The following FOXP1 variants were observed in gnomAD, a reference collection of about 807,000 sequenced individuals.
FOXP1 encodes forkhead box P1, also known as forkhead box protein P1.
Under a neutral mutation model 98.2 loss-of-function variants are expected in FOXP1, and 15 were observed. The ratio of observed to expected loss-of-function variants is 0.15; its 90% CI spans 0.10 to 0.24. The LOEUF (loss-of-function observed/expected upper bound fraction) is 0.24. Ranked by LOEUF, FOXP1 falls within the 10% of genes least tolerant of loss-of-function variation. FOXP1 has a pLI of 1.00. For missense variants in FOXP1, 633 were observed against 848.5 expected, an observed-to-expected ratio of 0.75 and a Z score of 3.15; for synonymous variants, 371 against 314.5, an observed-to-expected ratio of 1.18 and a Z score of -1.90.
chr3:71,009,290 A>G (rs2107681529), intron 12 of FOXP1, among the ~76,000 whole-genome samples: 1 of 152,056 alleles, frequency 6.6e-6, no homozygotes, highest in African/African-American at 2.4e-5. Flanking sequence ...AGCTAAAAAT[A>G]TGTTGGTGAC....
intron 6 of FOXP1, among the ~76,000 whole-genome samples, chr3:71,123,745 T>C (rs2058950600): frequency 1.3e-5 from 2 of 152,178 alleles, no homozygotes; most frequent in Non-Finnish European, 2.9e-5. Context: ...TCTTGCACTC[T>C]GCTATAAATA....
Position 70,955,524 on chromosome 3 carries a change from GA to G in FOXP1, c.*3722del, listed in dbSNP as rs886058821. ...CTCCCTAATGTATGCTTTTCTTTGAGAAAAAAAAAGTAACAGATTTTCTTTA... is the reference window on the plus strand; with the variant it reads ...CTCCCTAATGTATGCTTTTCTTTGAGAAAAAAAAGTAACAGATTTTCTTTA... On this transcript the variant is annotated 3_prime_UTR_variant, in exon 21 of 21. Coordinates refer to ENST00000649528, the MANE Select transcript of FOXP1 (RefSeq NM_001349338.3). 6.2e-5 allele frequency: 14 copies of G among 225,478 alleles called. No individual in the cohort carries two copies. The highest frequency in any genetic ancestry group is 1.9e-4 in the East Asian group (3 of 16,044). The allele number at this position is 225,478 out of a possible 1,614,324, so 14.0% of individuals were successfully genotyped here.
At chr3:71,293,855 TA>T (rs1163985783) in intron 5 of FOXP1, among the ~76,000 whole-genome samples, 10 of 152,170 alleles carry the variant, frequency 6.6e-5, no homozygotes, top group African/African-American at 2.2e-4. Context: ...ACACACAGCA[TA>T]AAAAACAGTA....
Position 71,568,384 on chromosome 3 carries a change from T to TAA in FOXP1, c.-298+13164_-298+13165insTT, listed in dbSNP as rs1446432842. ...TCCTGTTCTACAGAGGAAGAACCCT[T>TAA]GGTGCAGAGAAACAAAGCCCTTCAA... On this transcript the variant is annotated intron_variant, in intron 2 of 20. Coordinates refer to ENST00000649528, the MANE Select transcript of FOXP1 (RefSeq NM_001349338.3). 2.5e-3 allele frequency among the ~76,000 whole-genome samples: 373 copies of TAA among 152,182 alleles called. 1 individual carries two copies. Among genetic ancestry groups the TAA allele is most frequent in the African/African-American group, 8.5e-3 (355 of 41,534 alleles).
At chr3:71,130,981 A>C in intron 6 of FOXP1, 2 of 1,118,660 alleles carry the variant, frequency 1.8e-6, no homozygotes, top group Non-Finnish European at 2.2e-6. Context: ...ATACACACCA[A>C]CAGGGTTTCG....
intron 13 of FOXP1, among the ~76,000 whole-genome samples, chr3:70,992,000 C>A (rs568054517): frequency 6.6e-6 from 1 of 152,130 alleles, no homozygotes; most frequent in Non-Finnish European, 1.5e-5. Context: ...AAGAAGGTGT[C>A]TTTTCAAAGA....
At chr3:71,523,159 A>G (rs979255283) in intron 2 of FOXP1, among the ~76,000 whole-genome samples, 1 of 152,142 alleles carries the variant, frequency 6.6e-6, no homozygotes, top group African/African-American at 2.4e-5. Context: ...GATCGAGGCA[A>G]CGCTCCTACA....
At chr3:71,198,117 A>G (rs2063407149) in intron 6 of FOXP1, 85 bp downstream of exon 6, 9 of 1,613,714 alleles carry the variant, frequency 5.6e-6, no homozygotes, top group Non-Finnish European at 7.6e-6. Flanking sequence ...CAAAACACTG[A>G]TCGCGAGATC....
Position 71,240,213 on chromosome 3 carries a change from G to A in FOXP1, c.-11-41821C>T, listed in dbSNP as rs189769274. Among the ~76,000 whole-genome samples the A allele has an allele frequency of 2.0e-4, 30 of 152,364 alleles. No individual in the cohort carries two copies. The East Asian group carries it at 5.6e-3, about 28-fold the overall frequency. ...AACACAGTGCTAAATTCAATCCTCAGTTACACCCACTCAACTCCCACTGGC... is the reference window on the plus strand; with the variant it reads ...AACACAGTGCTAAATTCAATCCTCAATTACACCCACTCAACTCCCACTGGC... On this transcript the variant is annotated intron_variant, in intron 5 of 20. Transcript: ENST00000649528.
intron 3 of FOXP1, among the ~76,000 whole-genome samples, chr3:71,419,335 A>T (rs1197223184): frequency 6.6e-6 from 1 of 151,496 alleles, no homozygotes; most frequent in South Asian, 2.1e-4. Flanking sequence ...TTGAAAGGTT[A>T]TATATCTTAA....
intron 2 of FOXP1, among the ~76,000 whole-genome samples, chr3:71,529,213 G>A (rs937307449): frequency 6.6e-6 from 1 of 152,166 alleles, no homozygotes; most frequent in African/African-American, 2.4e-5. Flanking sequence ...TTTTCAGTTT[G>A]TTAGTATGTC....
At chr3:71,268,018 A>C (rs1446420452) in intron 5 of FOXP1, among the ~76,000 whole-genome samples, 1 of 23,338 alleles carries the variant, frequency 4.3e-5, no homozygotes, top group South Asian at 1.5e-3. Context: ...ACTCCGTCTC[A>C]AAAAAAAAAA....
chr3:71,031,218 C>T (rs2046820689), intron 11 of FOXP1, among the ~76,000 whole-genome samples: 2 of 152,130 alleles, frequency 1.3e-5, no homozygotes, highest in African/African-American at 2.4e-5. Context: ...AAAGACATAT[C>T]TCAAAGTACT....
intron 3 of FOXP1, among the ~76,000 whole-genome samples, chr3:71,402,773 A>G (rs1261279091): frequency 1.3e-5 from 2 of 152,258 alleles, no homozygotes; most frequent in African/African-American, 2.4e-5. Context: ...GGGAAAAGTT[A>G]TAAGAGATCT....
chr3:71,309,173 T>G (rs1411984620), intron 4 of FOXP1, among the ~76,000 whole-genome samples: 3 of 152,224 alleles, frequency 2.0e-5, no homozygotes, highest in African/African-American at 7.2e-5. Context: ...CTGTTCCATG[T>G]GTCTGTCTCC....
At chr3:71,019,823 C>T (rs11916722) in intron 11 of FOXP1, among the ~76,000 whole-genome samples, 1 of 148,082 alleles carries the variant, frequency 6.8e-6, no homozygotes, top group Admixed American at 6.6e-5. Flanking sequence ...GATGACAGAG[C>T]GAGACACGGT....
chr3:71,510,944 T>G (rs537361601), intron 2 of FOXP1, among the ~76,000 whole-genome samples: 1 of 152,330 alleles, frequency 6.6e-6, no homozygotes, highest in African/African-American at 2.4e-5. Context: ...GTGCTAAATT[T>G]AAAGAAACAA....
intron 4 of FOXP1, among the ~76,000 whole-genome samples, chr3:71,329,585 GAAA>G (rs71875262): frequency 7.1e-6 from 1 of 140,638 alleles, no homozygotes. Context: ...GCAAAATGTT[GAAA>G]AAAAAAAAAA....
At chr3:71,476,304 T>G (rs1210289921) in intron 3 of FOXP1, among the ~76,000 whole-genome samples, 3 of 152,104 alleles carry the variant, frequency 2.0e-5, no homozygotes, top group South Asian at 2.1e-4. Flanking sequence ...AAGTTCTTTT[T>G]TTTTTTTTTG....
Sources: gnomAD v4.1 joint callset for allele counts (sites outside exome capture counted in the v4.1 genomes callset) on GRCh38, gnomAD v4.1.1 for gene constraint, MANE v1.5 for transcripts, NCBI Gene and HGNC (gene_info 2026-07-23, HGNC 2026-07-21) for gene names.